Variants in NOC2L observed in about 807,000 individuals in gnomAD.
NOC2L encodes the protein nucleolar complex protein 2 homolog.
Under a neutral mutation model 94.2 loss-of-function variants are expected in NOC2L, and 101 were observed. That is an observed-to-expected ratio of 1.07 (90% CI 0.91 to 1.26). The LOEUF is 1.26. Among genes scored for constraint, NOC2L ranks in the 50% most tolerant of loss-of-function variants. NOC2L has a pLI of 0.00. For missense variants in NOC2L, 1,076 were observed against 980.1 expected (o/e 1.10, Z -1.31); for synonymous variants, 531 against 413.4 (o/e 1.28, Z -3.45).
At chr1:953,325 C>T in intron 8 of NOC2L, 37 bp from the exon 9 acceptor site, 1 of 1,297,684 alleles carries the variant, frequency 7.7e-7, no homozygotes. Context: ...GCCCCCCAGC[C>T]TCCTCAGCAG....
chr1:951,561 A>T (rs1032768534), intron 11 of NOC2L, among the ~76,000 whole-genome samples: 2 of 152,042 alleles, frequency 1.3e-5, no homozygotes, highest in Non-Finnish European at 2.9e-5. Context: ...AGCCAGACAG[A>T]TGCCCCCTCC....
chr1:957,074 C>G (rs558578669), intron 3 of NOC2L, 25 bp downstream of exon 3: 1 of 1,614,012 alleles, frequency 6.2e-7, no homozygotes, highest in Non-Finnish European at 8.5e-7. Flanking sequence ...AAGTGCCCCC[C>G]TTCTGGTTTG....
At chr1:948,256 A>G (rs1312046744) in intron 13 of NOC2L, 24 bp from the exon 14 acceptor site, 1 of 1,542,998 alleles carries the variant, frequency 6.5e-7, no homozygotes, top group Non-Finnish European at 8.8e-7. Context: ...GAGAGGGCCG[A>G]GTGCATCAGG....
chr1:959,205 C>T lies in NOC2L; in HGVS notation c.26+10G>A, dbSNP rs554926926. On this transcript the variant is annotated intron_variant, in intron 1 of 18. Coordinates refer to ENST00000327044, the MANE Select transcript of NOC2L (RefSeq NM_015658.4). ...GGGAGGCCAAATCGGCCCTCGGACC[C>T]GCGGCTTACCTCTTGCGGCTCCCCG... is the stretch of plus-strand genomic sequence containing the variant. 7 of 1,610,118 alleles carry T rather than the reference C, an allele frequency of 4.3e-6. No individual in the cohort carries two copies. Among genetic ancestry groups the T allele is most frequent in the Admixed American group, 3.3e-5 (2 of 59,806 alleles).
In NOC2L at chr1:953,170, A is replaced by C. The variant is rs370961211; in HGVS notation, c.1002+5T>G. ...GAGGGACACAGACGCAGGGCCCACC[A>C]CTACCTTGAGGACGGGGCCAAGGAA... On this transcript the variant is annotated splice_donor_5th_base_variant and intron_variant, in intron 9 of 18. Coordinates refer to ENST00000327044, the MANE Select transcript of NOC2L (RefSeq NM_015658.4). 3 of 1,601,330 alleles carry C rather than the reference A, an allele frequency of 1.9e-6. No individual in the cohort carries two copies. The African/African-American group carries it at 4.0e-5, about 21-fold the overall frequency.
At chr1:948,270 A>C in intron 13 of NOC2L, 38 bp from the exon 14 acceptor site, 1 of 1,511,738 alleles carries the variant, frequency 6.6e-7, no homozygotes, top group Non-Finnish European at 9.0e-7. Context: ...CATCAGGGAG[A>C]GGCTGGGGCT....
At chr1:951,050 G>T in intron 12 of NOC2L, 77 bp downstream of exon 12, 1 of 1,177,828 alleles carries the variant, frequency 8.5e-7, no homozygotes, top group Non-Finnish European at 1.2e-6. Context: ...GGACAACTCA[G>T]CACAGACGCC....
Position 952,432 on chromosome 1 carries a change from C to A in NOC2L, c.1171G>T (p.Ala391Ser), listed in dbSNP as rs142181102. 185 of 1,613,504 alleles carry A rather than the reference C, an allele frequency of 1.1e-4. No individual in the cohort carries two copies. Among genetic ancestry groups the A allele is most frequent in the Non-Finnish European group, 1.4e-5 (17 of 1,179,944 alleles). The change falls in exon 10 of 19, where the codon GCC becomes TCC. Residue 391 changes from alanine to serine, a missense_variant. By Grantham distance (99) the Ala-to-Ser change is moderately conservative (BLOSUM62 1). This residue lies in a region of NOC2L where 615 missense variants were observed against 577.4 expected (regional missense o/e 1.07). Coordinates refer to ENST00000327044, the MANE Select transcript of NOC2L (RefSeq NM_015658.4). ...IRQLAIHLRN[A>S]MTTRKKETYQ... ...CACACCTTCTTGCGAGTGGTCATGGCGTTGCGCAGGTGTATGGCGAGCTGG... is the reference window on the plus strand; with the variant it reads ...CACACCTTCTTGCGAGTGGTCATGGAGTTGCGCAGGTGTATGGCGAGCTGG...
At chr1:952,848 T>C (rs2100389974) in intron 9 of NOC2L, among the ~76,000 whole-genome samples, 2 of 152,292 alleles carry the variant, frequency 1.3e-5, no homozygotes, top group Middle Eastern at 6.8e-3. Flanking sequence ...AGGCCACCCA[T>C]GGCTTGGGGA....
chr1:944,233 T>A lies in NOC2L; in HGVS notation c.*461A>T, dbSNP rs1381662775. On this transcript the variant is annotated 3_prime_UTR_variant, in exon 19 of 19. Coordinates refer to ENST00000327044, the MANE Select transcript of NOC2L (RefSeq NM_015658.4). Reference sequence around the variant, plus strand: ...ACAATGGCCCTGCCTCCCACCGCTTTATTTCTTTCGGTTTCGGATGCAAAA... The same window carrying A: ...ACAATGGCCCTGCCTCCCACCGCTTAATTTCTTTCGGTTTCGGATGCAAAA... 6.9e-7 allele frequency: 1 copy of A among 1,459,500 alleles called. No homozygotes were observed. Among genetic ancestry groups the A allele is most frequent in the African/African-American group, 1.4e-5 (1 of 69,846 alleles). The allele number at this position is 1,459,500 out of a possible 1,614,324, so 90.4% of individuals were successfully genotyped here.
intron 2 of NOC2L, 188 bp downstream of exon 2, chr1:958,741 G>A (rs758004080): frequency 2.8e-6 from 2 of 721,592 alleles, no homozygotes; most frequent in South Asian, 1.5e-5. Flanking sequence ...TCCCTGCCTA[G>A]GACAGAGTTT....
At position 952,503 on chromosome 1, in the gene NOC2L, G is replaced by A; in HGVS notation, c.1100C>T (p.Ala367Val). 2 of 1,613,872 alleles carry A rather than the reference G, an allele frequency of 1.2e-6. No homozygotes were observed. Among genetic ancestry groups the A allele is most frequent in the Non-Finnish European group, 8.5e-7 (1 of 1,180,018 alleles). The change falls in exon 10 of 19, where the codon GCC becomes GTC. Residue 367 changes from alanine (A) to valine (V), a missense_variant. Ala to Val is a moderately conservative substitution (Grantham distance 64). This residue lies in a region of NOC2L where 615 missense variants were observed against 577.4 expected (regional missense o/e 1.07). Coordinates refer to ENST00000327044, the MANE Select transcript of NOC2L (RefSeq NM_015658.4). ...CTGGTAGGCCACACCCGGCTCCAGG[G>A]CCAGCAGCTCCGTCAAGGTCCACTG... Reference protein sequence around the residue: ...FMQWTLTELLALEPGVAYQHA... With the variant: ...FMQWTLTELLVLEPGVAYQHA...
chr1:944,640 G>A lies in NOC2L; in HGVS notation c.*54C>T, dbSNP rs1642035252. On this transcript the variant is annotated 3_prime_UTR_variant, in exon 19 of 19. Transcript: ENST00000327044. ...CTCTAGGCCTGACTGCCAGGGAGGTGGAAACACTGGCCACCAGCCCGGCAG... is the reference window on the plus strand; with the variant it reads ...CTCTAGGCCTGACTGCCAGGGAGGTAGAAACACTGGCCACCAGCCCGGCAG... 1.7e-6 allele frequency: 2 copies of A among 1,153,566 alleles called. No homozygotes were observed. Among genetic ancestry groups the A allele is most frequent in the Admixed American group, 3.8e-5 (2 of 52,166 alleles). 71.5% of individuals were successfully genotyped at this position (1,153,566 alleles called of 1,614,324 possible). A position where few individuals can be genotyped will look rare whatever the true frequency, so the allele number is the denominator to read the frequency against.
chr1:948,967 G>T (rs1381973531), intron 12 of NOC2L, among the ~76,000 whole-genome samples: 3 of 152,038 alleles, frequency 2.0e-5, no homozygotes, highest in African/African-American at 7.2e-5. Context: ...CTGACAACAT[G>T]GCACTGAGGC....
Position 952,425 on chromosome 1 carries a change from G to A in NOC2L, c.1178C>T (p.Thr393Ile), listed in dbSNP as rs1395828326. 1.2e-6 allele frequency: 2 copies of A among 1,613,578 alleles called. No individual in the cohort carries two copies. Among genetic ancestry groups the A allele is most frequent in the Admixed American group, 3.3e-5 (2 of 60,022 alleles). Residue 393 changes from threonine (T) to isoleucine (I), a missense_variant, in exon 10 of 19, where the codon ACC becomes ATC. Thr to Ile is a moderately conservative substitution (Grantham distance 89, BLOSUM62 -1). Around this residue, in one of 3 missense-constraint regions of NOC2L, gnomAD observed 615 missense variants for 577.4 expected, o/e 1.07. Transcript: ENST00000327044. The stretch of plus-strand genomic sequence containing the variant: ...CCCACCACACACCTTCTTGCGAGTG[G>A]TCATGGCGTTGCGCAGGTGTATGGC... ...QLAIHLRNAM[T>I]TRKKETYQSV...
intron 12 of NOC2L, 73 bp downstream of exon 12, chr1:951,054 A>G (rs1642248153): frequency 1.7e-6 from 2 of 1,208,322 alleles, no homozygotes; most frequent in Non-Finnish European, 2.4e-6. Flanking sequence ...AACTCAGCAC[A>G]GACGCCCGGA....
rs780019064 is a variant in NOC2L at position 945,068 on chromosome 1, C to T, written c.2132G>A (p.Ser711Asn). ...EDEEEGEEDS[S>N]NSEDGDPDAE... The stretch of plus-strand genomic sequence containing the variant: ...CCAAGACCATTCACCCTCCGAGTTG[C>T]TGCTGTCCTCCTCGCCCTCCTCCTC... Residue 711 changes from serine to asparagine, a missense_variant, in exon 18 of 19, where the codon AGC (serine) becomes AAC (asparagine). This residue lies in a region of NOC2L where 615 missense variants were observed against 577.4 expected (regional missense o/e 1.07). Transcript: ENST00000327044. 2 of 1,613,958 alleles carry T rather than the reference C, an allele frequency of 1.2e-6. No individual in the cohort carries two copies. Among genetic ancestry groups the T allele is most frequent in the African/African-American group, 2.7e-5 (2 of 74,858 alleles).
intron 2 of NOC2L, chr1:958,436 G>T (rs368836951): frequency 3.0e-6 from 1 of 331,082 alleles, no homozygotes; most frequent in African/African-American, 2.2e-5. Context: ...TTTTAGTAGA[G>T]ACATGATTTT....
At position 956,063 on chromosome 1, in the gene NOC2L, C is replaced by T. The variant is rs187416704; in HGVS notation, c.607+32G>A. 1.1e-5 allele frequency: 17 copies of T among 1,614,102 alleles called. No individual in the cohort carries two copies. The East Asian group carries it at 3.3e-4, about 32-fold the overall frequency. ...CTCACGGGACAGAGAACGCAACAGA[C>T]AGCCTGGATGCCAGGCTCCCCCCAA... On this transcript the variant is annotated intron_variant, in intron 5 of 18. Coordinates refer to ENST00000327044, the MANE Select transcript of NOC2L (RefSeq NM_015658.4).
Sources: allele counts gnomAD v4.1 joint callset (sites outside exome capture counted in the v4.1 genomes callset), GRCh38; gene constraint gnomAD v4.1.1; regional missense constraint gnomAD v4.1.1; transcripts MANE v1.5; gene names NCBI Gene and HGNC (gene_info 2026-07-23, HGNC 2026-07-21).